Variants in SLC22A23 observed in about 807,000 individuals in gnomAD.
SLC22A23 encodes the protein solute carrier family 22 member 23.
SLC22A23 carries 26 observed loss-of-function variants against 61.0 expected under a neutral mutation model. The ratio of observed to expected loss-of-function variants is 0.43; its 90% CI spans 0.31 to 0.59. SLC22A23 has a LOEUF of 0.59. Among genes scored for constraint, SLC22A23 ranks in the 20% least tolerant of loss-of-function variants. The pLI, the probability that SLC22A23 is intolerant of heterozygous loss-of-function variation, is 0.11. For missense variants in SLC22A23, 796 were observed against 934.7 expected (o/e 0.85, Z 1.94); for synonymous variants, 430 against 413.9 (o/e 1.04, Z -0.47).
At chr6:3,354,721 T>C (rs954207649) in intron 3 of SLC22A23, among the ~76,000 whole-genome samples, 1 of 152,228 alleles carries the variant, frequency 6.6e-6, no homozygotes, top group African/African-American at 2.4e-5. Context: ...ATCCACACCA[T>C]CTCTAATTTC....
At chr6:3,377,097 C>A (rs141824718) in intron 3 of SLC22A23, among the ~76,000 whole-genome samples, 1 of 152,154 alleles carries the variant, frequency 6.6e-6, no homozygotes, top group African/African-American at 2.4e-5. Flanking sequence ...AAATTTGGCC[C>A]ACTGCCTGTT....
chr6:3,348,326 G>A (rs1037609231), intron 3 of SLC22A23, among the ~76,000 whole-genome samples: 1 of 152,184 alleles, frequency 6.6e-6, no homozygotes, highest in Non-Finnish European at 1.5e-5. Context: ...CAAAGCCTAG[G>A]CGCCATCTTT....
intron 1 of SLC22A23, among the ~76,000 whole-genome samples, chr6:3,441,638 C>G (rs1443350040): frequency 1.3e-5 from 2 of 152,212 alleles, no homozygotes; most frequent in Non-Finnish European, 2.9e-5. Flanking sequence ...GCCCCTGCAC[C>G]TTGTCCTGTT....
chr6:3,371,517 T>C (rs993636992), intron 3 of SLC22A23, among the ~76,000 whole-genome samples: 1 of 152,214 alleles, frequency 6.6e-6, no homozygotes, highest in African/African-American at 2.4e-5. Flanking sequence ...CTTTGGCCAG[T>C]AGGCGGGGGC....
chr6:3,272,928 A>T lies in SLC22A23; in HGVS notation c.*127T>A. ...ACTTTTGGAAAGACAGGATTTCCCC[A>T]CACCAGTTGAGAGGCTCAGCTTGGC... On this transcript the variant is annotated 3_prime_UTR_variant, in exon 10 of 10. Transcript: ENST00000406686. 3 of 829,578 alleles carry T rather than the reference A, an allele frequency of 3.6e-6. No individual in the cohort carries two copies. Among genetic ancestry groups the T allele is most frequent in the Non-Finnish European group, 5.6e-6 (3 of 538,476 alleles). The allele number at this position is 829,578 out of a possible 1,614,324, so 51.4% of individuals were successfully genotyped here. A position where few individuals can be genotyped will look rare whatever the true frequency, so the allele number is the denominator to read the frequency against.
intron 4 of SLC22A23, 93 bp downstream of exon 4, chr6:3,323,741 G>A (rs1041957837): frequency 6.4e-5 from 88 of 1,377,452 alleles, no homozygotes; most frequent in Non-Finnish European, 8.5e-5. Flanking sequence ...CAACTAGTGG[G>A]AAGTGTGGGG....
chr6:3,415,537 G>A (rs111936872), intron 2 of SLC22A23, among the ~76,000 whole-genome samples: 18 of 152,336 alleles, frequency 1.2e-4, no homozygotes, highest in African/African-American at 3.8e-4. Context: ...AGAAGCTAGA[G>A]AATTGCGTTG....
rs987950989 is a variant in SLC22A23, at chr6:3,415,733, C to T, written c.758+19G>A. 2.0e-5 allele frequency: 31 copies of T among 1,515,702 alleles called. No individual in the cohort carries two copies. The highest frequency in any genetic ancestry group is 2.4e-5 in the East Asian group (1 of 40,824). 93.9% of individuals were successfully genotyped at this position (1,515,702 alleles called of 1,614,324 possible). A position where few individuals can be genotyped will look rare whatever the true frequency, so the allele number is the denominator to read the frequency against. On this transcript the variant is annotated intron_variant, in intron 2 of 9. Coordinates refer to ENST00000406686, the MANE Select transcript of SLC22A23 (RefSeq NM_015482.2). ...CTGTGGCCTCCAAAGGTTCGTGCGG[C>T]GGGCATGTTGGTACTCACCAGTCAG...
At chr6:3,396,259 C>T (rs1347460957) in intron 3 of SLC22A23, among the ~76,000 whole-genome samples, 2 of 152,180 alleles carry the variant, frequency 1.3e-5, no homozygotes, top group Non-Finnish European at 2.9e-5. Context: ...CCTGCCACGC[C>T]CCCATCCTGT....
At chr6:3,336,964 A>G (rs1383558545) in intron 3 of SLC22A23, among the ~76,000 whole-genome samples, 1 of 152,050 alleles carries the variant, frequency 6.6e-6, no homozygotes, top group Non-Finnish European at 1.5e-5. Flanking sequence ...ACATGCCACC[A>G]TGCCTGGCTG....
In SLC22A23 at chr6:3,286,331, A is replaced by G. The variant is rs748239530; in HGVS notation, c.1546+528T>C. ...TTGGTCAGGCTGGTTTGAACTCCTG[A>G]CCTCATGATCCGACCGCCTCAGCCT... On this transcript the variant is annotated intron_variant, in intron 7 of 9. Transcript: ENST00000406686. This position sits in a 1 kb window ranked among gnomAD's most constrained non-coding sequence, Gnocchi z 4.2. Among the ~76,000 whole-genome samples the G allele has an allele frequency of 1.3e-4, 20 of 151,888 alleles. No homozygotes were observed. The highest frequency in any genetic ancestry group is 1.5e-4 in the Non-Finnish European group (10 of 67,968).
At chr6:3,274,309 A>G (rs531005456) in intron 9 of SLC22A23, among the ~76,000 whole-genome samples, 1 of 152,312 alleles carries the variant, frequency 6.6e-6, no homozygotes, top group African/African-American at 2.4e-5. Context: ...CTCAGGTGTC[A>G]GGCCAGGCTA....
chr6:3,339,965 C>G (rs1384969237), intron 3 of SLC22A23, among the ~76,000 whole-genome samples: 1 of 152,110 alleles, frequency 6.6e-6, no homozygotes, highest in Non-Finnish European at 1.5e-5. Context: ...GGATCAGGGC[C>G]CCTTTCCTGT....
At chr6:3,434,690 A>G (rs889406518) in intron 1 of SLC22A23, among the ~76,000 whole-genome samples, 4 of 152,142 alleles carry the variant, frequency 2.6e-5, no homozygotes, top group Non-Finnish European at 4.4e-5. Context: ...AGGAGCATCA[A>G]TTTTTTGTTC....
chr6:3,349,306 G>C (rs528953421), intron 3 of SLC22A23, among the ~76,000 whole-genome samples: 1 of 152,288 alleles, frequency 6.6e-6, no homozygotes, highest in Admixed American at 6.5e-5. Context: ...TCTCCTACCT[G>C]TCTTTCTTCC....
intron 1 of SLC22A23, among the ~76,000 whole-genome samples, chr6:3,452,577 G>A (rs1772201693): frequency 1.7e-5 from 2 of 120,206 alleles, no homozygotes; most frequent in African/African-American, 6.6e-5. Flanking sequence ...CTCCAGCCTG[G>A]GCAACAGAGC....
chr6:3,396,258 C>T (rs989510792), intron 3 of SLC22A23, among the ~76,000 whole-genome samples: 1 of 152,208 alleles, frequency 6.6e-6, no homozygotes, highest in African/African-American at 2.4e-5. Context: ...GCCTGCCACG[C>T]CCCCATCCTG....
intron 5 of SLC22A23, among the ~76,000 whole-genome samples, chr6:3,294,046 G>A (rs1317687120): frequency 6.6e-6 from 1 of 152,178 alleles, no homozygotes; most frequent in Non-Finnish European, 1.5e-5. Context: ...GAAGAAGACA[G>A]GAGTGCATTT....
intron 1 of SLC22A23, among the ~76,000 whole-genome samples, chr6:3,436,220 A>G (rs2127544904): frequency 6.6e-6 from 1 of 152,058 alleles, no homozygotes; most frequent in South Asian, 2.1e-4. Flanking sequence ...GCTCACTGCA[A>G]TCTTTGCCTC....
Sources: allele counts gnomAD v4.1 joint callset (sites outside exome capture counted in the v4.1 genomes callset), GRCh38; gene constraint gnomAD v4.1.1; non-coding constraint Gnocchi (gnomAD v3.1); transcripts MANE v1.5; gene names NCBI Gene and HGNC (gene_info 2026-07-23, HGNC 2026-07-21).